The following TRIO variants were observed in gnomAD, a reference collection of about 807,000 sequenced individuals.
The protein encoded by TRIO is trio Rho guanine nucleotide exchange factor, also known as triple functional domain protein.
TRIO carries 58 observed loss-of-function variants against 351.9 expected under a neutral mutation model. The observed-to-expected ratio is 0.16, with a 90% CI of 0.13 to 0.21. TRIO has a LOEUF of 0.21. Among genes scored for constraint, TRIO ranks in the 10% least tolerant of loss-of-function variants. The pLI is 1.00. For synonymous variants in TRIO, 1,758 were observed against 1,595.7 expected (o/e 1.10, Z -2.42); for missense variants, 3,201 against 4,027.8 (o/e 0.79, Z 5.56).
chr5:14,221,014 G>A (rs1213245471), intron 1 of TRIO, among the ~76,000 whole-genome samples: 3 of 152,286 alleles, frequency 2.0e-5, no homozygotes, highest in African/African-American at 4.8e-5. Flanking sequence ...GAGGACAGGC[G>A]ACTTTCTTGT....
intron 6 of TRIO, 71 bp downstream of exon 6, chr5:14,293,205 T>C: frequency 1.2e-6 from 2 of 1,606,330 alleles, no homozygotes; most frequent in South Asian, 1.1e-5. Flanking sequence ...TTTGGCAAAT[T>C]GTATGCTAGG....
At chr5:14,159,335 A>G (rs1171956179) in intron 1 of TRIO, among the ~76,000 whole-genome samples, 12 of 134,136 alleles carry the variant, frequency 8.9e-5, no homozygotes, top group African/African-American at 3.0e-4. Flanking sequence ...AAAAAAAAAA[A>G]AGAGAGAGAG....
chr5:14,156,582 G>T (rs930648889), intron 1 of TRIO, among the ~76,000 whole-genome samples: 14 of 152,072 alleles, frequency 9.2e-5, no homozygotes, highest in Non-Finnish European at 1.5e-5. Flanking sequence ...TTCCTCTTCC[G>T]TATTTGTAAT....
intron 20 of TRIO, among the ~76,000 whole-genome samples, chr5:14,378,644 C>T (rs1466839710): frequency 6.6e-6 from 1 of 151,890 alleles, no homozygotes; most frequent in East Asian, 1.9e-4. Context: ...ACTGCAACCT[C>T]TGTCTCCCAG....
At chr5:14,500,069 A>AG (rs397810903) in intron 53 of TRIO, among the ~76,000 whole-genome samples, 2 of 151,104 alleles carry the variant, frequency 1.3e-5, no homozygotes, top group Non-Finnish European at 2.9e-5. Flanking sequence ...AAAAAAAAAA[A>AG]GACTATTCAT....
intron 34 of TRIO, among the ~76,000 whole-genome samples, chr5:14,422,306 C>T (rs1047053707): frequency 6.6e-6 from 1 of 152,158 alleles, no homozygotes; most frequent in Non-Finnish European, 1.5e-5. Context: ...AAGTTAGTTT[C>T]TTATATGTCT....
intron 34 of TRIO, among the ~76,000 whole-genome samples, chr5:14,451,053 G>A (rs1481596403): frequency 6.6e-6 from 1 of 152,222 alleles, no homozygotes; most frequent in Non-Finnish European, 1.5e-5. Context: ...TTGGAGAAAT[G>A]TTTTAAAAAT....
chr5:14,487,981 C>T lies in TRIO; in HGVS notation c.7353C>T (p.Ala2451=), dbSNP rs1301190796. Residue 2451 remains alanine, a synonymous_variant, in exon 48 of 57, where the codon GCC becomes GCT. Coordinates refer to ENST00000344204, the MANE Select transcript of TRIO (RefSeq NM_007118.4). The part of the protein sequence containing the change: ...LGTLPLGKPR[A]GAASPLNSPL... ...CCCTGCCGCTTGGGAAGCCCCGGGCCGGGGCCGCTTCGCCGCTGAACTCGC... is the reference window on the plus strand; with the variant it reads ...CCCTGCCGCTTGGGAAGCCCCGGGCTGGGGCCGCTTCGCCGCTGAACTCGC... 5 of 1,556,372 alleles carry T rather than the reference C, an allele frequency of 3.2e-6. No individual in the cohort carries two copies. The South Asian group carries it at 3.5e-5, about 11-fold the overall frequency.
intron 21 of TRIO, among the ~76,000 whole-genome samples, chr5:14,381,477 A>G (rs1367880676): frequency 6.6e-6 from 1 of 151,698 alleles, no homozygotes; most frequent in African/African-American, 2.4e-5. Context: ...GAATACGGCC[A>G]TCTCTCTCCT....
chr5:14,241,479 G>A (rs1794125219), intron 1 of TRIO, among the ~76,000 whole-genome samples: 2 of 152,160 alleles, frequency 1.3e-5, no homozygotes, highest in Admixed American at 6.5e-5. Context: ...GTCTGAGAAG[G>A]GAGTAATAGA....
chr5:14,493,764 G>T (rs563943826), intron 49 of TRIO, among the ~76,000 whole-genome samples: 1 of 152,204 alleles, frequency 6.6e-6, no homozygotes, highest in Non-Finnish European at 1.5e-5. Context: ...AAAGCTAAGC[G>T]CCTCTCGCAC....
intron 6 of TRIO, 122 bp downstream of exon 6, chr5:14,293,256 C>G (rs1236779082): frequency 7.3e-7 from 1 of 1,364,202 alleles, no homozygotes; most frequent in Non-Finnish European, 1.0e-6. Flanking sequence ...ATTGTAGCAG[C>G]TGACCTTCAC....
chr5:14,312,772 A>G (rs372390772), intron 8 of TRIO, among the ~76,000 whole-genome samples: 1 of 152,278 alleles, frequency 6.6e-6, no homozygotes, highest in East Asian at 1.9e-4. Flanking sequence ...TAGCACTTAC[A>G]TTTTATATGA....
intron 53 of TRIO, among the ~76,000 whole-genome samples, chr5:14,499,847 C>G (rs750276542): frequency 6.6e-6 from 1 of 151,534 alleles, no homozygotes; most frequent in Non-Finnish European, 1.5e-5. Context: ...GTCAGGAGAT[C>G]GAGACCATCG....
At chr5:14,174,759 CA>C (rs1399428456) in intron 1 of TRIO, among the ~76,000 whole-genome samples, 1 of 152,180 alleles carries the variant, frequency 6.6e-6, no homozygotes, top group Admixed American at 6.5e-5. Context: ...TTTTAGTCTA[CA>C]GTCGAGACCT....
At chr5:14,403,046 TGTG>T (rs559373706) in intron 31 of TRIO, among the ~76,000 whole-genome samples, 124 of 123,208 alleles carry the variant, frequency 1.0e-3, no homozygotes, top group Middle Eastern at 0.012. Flanking sequence ...AGGTGCAGGT[TGTG>T]GTGGGTTGTG....
At chr5:14,440,471 GAGTA>G (rs1457097090) in intron 34 of TRIO, among the ~76,000 whole-genome samples, 1 of 152,228 alleles carries the variant, frequency 6.6e-6, no homozygotes, top group African/African-American at 2.4e-5. Context: ...TTCAAAGAGA[GAGTA>G]AGAATGTTTC....
intron 20 of TRIO, among the ~76,000 whole-genome samples, chr5:14,379,291 C>G (rs578146432): frequency 6.6e-6 from 1 of 152,336 alleles, no homozygotes; most frequent in East Asian, 1.9e-4. Context: ...CCAGAGCAGG[C>G]ATTGGATACA....
intron 1 of TRIO, among the ~76,000 whole-genome samples, chr5:14,208,138 A>G (rs1791658424): frequency 6.6e-6 from 1 of 152,188 alleles, no homozygotes; most frequent in South Asian, 2.1e-4. Flanking sequence ...CATTTGAACC[A>G]GCAGTTTCAC....
Sources: allele counts gnomAD v4.1 joint callset (sites outside exome capture counted in the v4.1 genomes callset), GRCh38; gene constraint gnomAD v4.1.1; transcripts MANE v1.5; gene names NCBI Gene and HGNC (gene_info 2026-07-23, HGNC 2026-07-21).